Variants in RBM20 observed in about 807,000 individuals in gnomAD.
RBM20 encodes RNA-binding protein 20.
A neutral mutation model predicts 110.1 loss-of-function variants in RBM20; 51 were observed. The observed-to-expected ratio is 0.46, with a 90% CI of 0.37 to 0.59. The LOEUF (loss-of-function observed/expected upper bound fraction) is 0.59. RBM20 is among the 20% of genes least tolerant of loss of function. The pLI, the probability that RBM20 is intolerant of heterozygous loss-of-function variation, is 0.00. For synonymous variants in RBM20, 589 were observed against 618.2 expected, an observed-to-expected ratio of 0.95 and a Z score of 0.70; for missense variants, 1,512 against 1,574.9, an observed-to-expected ratio of 0.96 and a Z score of 0.68.
chr10:110,655,175 T>C (rs1862003314), intron 1 of RBM20, among the ~76,000 whole-genome samples: 1 of 152,142 alleles, frequency 6.6e-6, no homozygotes. Flanking sequence ...GAAAATATTA[T>C]AGAAAAAAAT....
intron 1 of RBM20, among the ~76,000 whole-genome samples, chr10:110,656,961 C>A (rs568290915): frequency 2.7e-5 from 4 of 150,664 alleles, no homozygotes; most frequent in African/African-American, 9.7e-5. Context: ...GTTTGAACAT[C>A]TGTTTTTGGT....
chr10:110,731,597 A>C (rs530606434), intron 1 of RBM20, among the ~76,000 whole-genome samples: 1 of 152,350 alleles, frequency 6.6e-6, no homozygotes, highest in Middle Eastern at 3.4e-3. Flanking sequence ...CCATCTTTAA[A>C]AAATAATTTT....
chr10:110,824,064 A>G (rs1844952009), intron 12 of RBM20, among the ~76,000 whole-genome samples: 1 of 152,080 alleles, frequency 6.6e-6, no homozygotes, highest in African/African-American at 2.4e-5. Context: ...GCAATAACCT[A>G]GATTTGCAAG....
intron 1 of RBM20, among the ~76,000 whole-genome samples, chr10:110,737,176 T>TAAAAAAAAAAAAAAAAAAAAAAA (rs1843679355): frequency 8.1e-5 from 1 of 12,408 alleles, no homozygotes; most frequent in Non-Finnish European, 1.4e-4. Flanking sequence ...AAACTCTGCC[T>TAAAAAAAAAAAAAAAAAAAAAAA]CAAAAAAAAA....
intron 1 of RBM20, among the ~76,000 whole-genome samples, chr10:110,707,262 A>G (rs1298060650): frequency 1.3e-5 from 2 of 152,318 alleles, no homozygotes; most frequent in African/African-American, 4.8e-5. Context: ...ATAAGCTCAG[A>G]TGTAGATTGT....
rs1862800240 is a variant in RBM20 at position 110,704,166 on chromosome 10, C to G, written c.191+59521C>G. On this transcript the variant is annotated intron_variant, in intron 1 of 13. Coordinates refer to ENST00000369519, the MANE Select transcript of RBM20 (RefSeq NM_001134363.3). ...ACAGTGTGTAACCTTTTGGGACAAG[C>G]CTTTCCACTCAGCATAATTTCCTGG... Among the ~76,000 whole-genome samples the G allele has an allele frequency of 3.3e-5, 5 of 152,178 alleles. 1 individual carries two copies.
chr10:110,787,808 C>T (rs1030579420), intron 5 of RBM20, among the ~76,000 whole-genome samples: 2 of 151,818 alleles, frequency 1.3e-5, no homozygotes, highest in African/African-American at 2.4e-5. Context: ...GGACAGCTCT[C>T]TGCGAGGAGC....
At chr10:110,673,201 T>C (rs1051629933) in intron 1 of RBM20, among the ~76,000 whole-genome samples, 4 of 152,092 alleles carry the variant, frequency 2.6e-5, no homozygotes, top group African/African-American at 9.7e-5. Context: ...TCTTTCTTTT[T>C]TCTTTTTTCT....
At chr10:110,764,255 A>G (rs1844048783) in intron 1 of RBM20, among the ~76,000 whole-genome samples, 1 of 140,414 alleles carries the variant, frequency 7.1e-6, no homozygotes, top group Non-Finnish European at 1.6e-5. Flanking sequence ...GTGAAAACCC[A>G]GAGTAAAAAG....
At chr10:110,773,003 A>G (rs913933951) in intron 1 of RBM20, among the ~76,000 whole-genome samples, 4 of 152,216 alleles carry the variant, frequency 2.6e-5, no homozygotes, top group Admixed American at 6.5e-5. Context: ...CCTGAGATCC[A>G]GGGAAACTAA....
intron 1 of RBM20, among the ~76,000 whole-genome samples, chr10:110,758,038 T>TTTTA (rs1843944457): frequency 1.4e-5 from 2 of 140,784 alleles, no homozygotes; most frequent in African/African-American, 5.3e-5. Context: ...TTTTTTTTTT[T>TTTTA]GAGACAGGGC....
In RBM20 at chr10:110,799,976, C is replaced by T. The variant is rs147966531; in HGVS notation, c.1800+58C>T. On this transcript the variant is annotated intron_variant, in intron 7 of 13. Transcript: ENST00000369519. ...ACAAGCACCAGATGAGTTTCTCCTC[C>T]GTGTTAGGCACTGACCTAAACGCTG... The T allele has an allele frequency of 6.4e-4, 946 of 1,487,198 alleles. 1 individual carries two copies. In the African/African-American group the frequency reaches 0.012, roughly 18 times the overall value. The allele number at this position is 1,487,198 out of a possible 1,614,324, so 92.1% of individuals were successfully genotyped here.
chr10:110,652,545 T>C (rs1181537203), intron 1 of RBM20, among the ~76,000 whole-genome samples: 3 of 152,210 alleles, frequency 2.0e-5, no homozygotes, highest in Non-Finnish European at 4.4e-5. Context: ...ACATTTCACA[T>C]TGGTATTGCA....
intron 1 of RBM20, among the ~76,000 whole-genome samples, chr10:110,760,425 C>CTTTTT (rs541027608): frequency 0.095 from 5,481 of 57,962 alleles, 731 homozygotes; most frequent in Middle Eastern, 0.2. Context: ...ATTCCATCAT[C>CTTTTT]TTTTTTTTTT....
intron 1 of RBM20, among the ~76,000 whole-genome samples, chr10:110,656,041 C>A (rs1417280791): frequency 6.6e-6 from 1 of 152,114 alleles, no homozygotes; most frequent in Non-Finnish European, 1.5e-5. Context: ...TGGCTCACGC[C>A]TATAATCCCA....
Position 110,797,500 on chromosome 10 carries a change from C to T in RBM20, c.1528-8C>T. ...CTGAATACCACTAATGATCTTTGTT[C>T]CCATTAGTTTGCACAGCGGAAAGGG... On this transcript the variant is annotated splice_region_variant and splice_polypyrimidine_tract_variant and intron_variant, in intron 5 of 13. Transcript: ENST00000369519. 6.5e-7 allele frequency: 1 copy of T among 1,547,208 alleles called. No homozygotes were observed. Among genetic ancestry groups the T allele is most frequent in the African/African-American group, 1.4e-5 (1 of 73,026 alleles).
intron 1 of RBM20, among the ~76,000 whole-genome samples, chr10:110,669,386 A>T (rs936317861): frequency 1.4e-4 from 21 of 152,198 alleles, no homozygotes; most frequent in Non-Finnish European, 3.1e-4. Flanking sequence ...ATTTTCTGTT[A>T]AAAGCAATAA....
chr10:110,804,828 G>A (rs568330059), intron 7 of RBM20, among the ~76,000 whole-genome samples: 1 of 152,214 alleles, frequency 6.6e-6, no homozygotes, highest in South Asian at 2.1e-4. Flanking sequence ...GTGTCTCCCA[G>A]TCACTTCATC....
intron 1 of RBM20, among the ~76,000 whole-genome samples, chr10:110,766,876 G>C (rs1844094557): frequency 6.7e-6 from 1 of 150,282 alleles, no homozygotes; most frequent in Non-Finnish European, 1.5e-5. Context: ...CGGGCAGAGG[G>C]GCTCCTCACT....
Sources: gnomAD v4.1 joint callset for allele counts (sites outside exome capture counted in the v4.1 genomes callset) on GRCh38, gnomAD v4.1.1 for gene constraint, MANE v1.5 for transcripts, NCBI Gene and HGNC (gene_info 2026-07-23, HGNC 2026-07-21) for gene names.